The following OPRM1 variants were observed in gnomAD, a reference collection of about 807,000 sequenced individuals.
OPRM1 encodes the protein mu-type opioid receptor.
Under a neutral mutation model 31.8 loss-of-function variants are expected in OPRM1, and 27 were observed. The ratio of observed to expected loss-of-function variants is 0.85; its 90% CI spans 0.63 to 1.17. The LOEUF (loss-of-function observed/expected upper bound fraction) is 1.17. Ranked by LOEUF, OPRM1 falls within the 50% of genes most tolerant of loss-of-function variation. The probability of loss-of-function intolerance (pLI) is 0.00; values close to 1 mark genes in which losing one functional copy is unlikely to be tolerated. For missense variants in OPRM1, 536 were observed against 511.1 expected (o/e 1.05, Z -0.47); for synonymous variants, 196 against 189.9 (o/e 1.03, Z -0.26).
rs1047041161 is a variant in OPRM1, at chr6:154,066,680, G to C, written c.291-23146G>C. On this transcript the variant is annotated intron_variant, in intron 1 of 3. Coordinates refer to ENST00000330432, the MANE Select transcript of OPRM1 (RefSeq NM_000914.5). ...TAGTAGTCTTATAAGAATTGAGAGA[G>C]AGAGAGAGATCTCCTTTAAGCAAAG... is the stretch of plus-strand genomic sequence containing the variant. Among the ~76,000 whole-genome samples the C allele has an allele frequency of 1.8e-4, 27 of 152,198 alleles. No individual in the cohort carries two copies. In the East Asian group the frequency reaches 3.1e-3, roughly 17 times the overall value.
At position 154,039,491 on chromosome 6, in the gene OPRM1, G is replaced by A; in HGVS notation, c.-54G>A. ...GGCTGAGGCGCTTGGAACCCGAAAA[G>A]TCTCGGTGCTCCTGGCTACCTCGCA... On this transcript the variant is annotated 5_prime_UTR_variant, in exon 1 of 4. Transcript: ENST00000330432. The A allele has an allele frequency of 6.4e-7, 1 of 1,566,798 alleles. No individual in the cohort carries two copies. Among genetic ancestry groups the A allele is most frequent in the South Asian group, 1.2e-5 (1 of 85,394 alleles).
intron 1 of OPRM1, among the ~76,000 whole-genome samples, chr6:154,063,949 G>A (rs529204038): frequency 1.2e-3 from 187 of 152,106 alleles, no homozygotes; most frequent in Middle Eastern, 3.4e-3. Context: ...ATTCTGATGT[G>A]AAGATGGGTA....
chr6:154,066,244 C>T (rs1038874004), intron 1 of OPRM1, among the ~76,000 whole-genome samples: 2 of 151,972 alleles, frequency 1.3e-5, no homozygotes, highest in African/African-American at 4.8e-5. Context: ...CTTGTAGTAT[C>T]TTTGTCTGTC....
chr6:154,040,853 T>C lies in OPRM1; in HGVS notation c.290+1019T>C, dbSNP rs1779912849. Among the ~76,000 whole-genome samples the C allele has an allele frequency of 3.9e-5, 6 of 152,314 alleles. No homozygotes were observed. The South Asian group carries it at 1.0e-3, about 26-fold the overall frequency. ...CAGTATTGACTGAGATTGATATTGA[T>C]TGTGTTGGTGTTGATGTGTATATTC... On this transcript the variant is annotated intron_variant, in intron 1 of 3. Transcript: ENST00000330432.
chr6:154,093,380 T>G (rs1274231847), intron 3 of OPRM1: 1 of 1,614,164 alleles, frequency 6.2e-7, no homozygotes, highest in Non-Finnish European at 8.5e-7. Context: ...CAGCTATCCT[T>G]CACTCGTCCT....
intron 3 of OPRM1, among the ~76,000 whole-genome samples, chr6:154,105,591 G>C (rs539929064): frequency 6.6e-6 from 1 of 152,136 alleles, no homozygotes; most frequent in African/African-American, 2.4e-5. Context: ...ATGACAAAAA[G>C]TTTTAGGACA....
intron 3 of OPRM1, among the ~76,000 whole-genome samples, chr6:154,244,919 A>C (rs1004411477): frequency 2.6e-5 from 4 of 152,212 alleles, no homozygotes; most frequent in Non-Finnish European, 5.9e-5. Flanking sequence ...CCACTATTAA[A>C]AGGTAAATCA....
intron 3 of OPRM1, among the ~76,000 whole-genome samples, chr6:154,153,916 T>C (rs1798613025): frequency 6.6e-6 from 1 of 152,230 alleles, no homozygotes; most frequent in Non-Finnish European, 1.5e-5. Flanking sequence ...TTGTGGTAAT[T>C]TGTTATATCA....
chr6:154,030,972 G>A (rs367762257), intron 1 of OPRM1, among the ~76,000 whole-genome samples: 4 of 152,064 alleles, frequency 2.6e-5, no homozygotes, highest in East Asian at 3.9e-4. Context: ...TGCAAATGAA[G>A]CCTAGACTAT....
intron 1 of OPRM1, among the ~76,000 whole-genome samples, chr6:154,045,000 G>A (rs1780832755): frequency 6.6e-6 from 1 of 150,858 alleles, no homozygotes; most frequent in African/African-American, 2.5e-5. Flanking sequence ...TGAGGCAGGT[G>A]GATCACCTGA....
At chr6:154,066,726 A>G (rs899188764) in intron 1 of OPRM1, among the ~76,000 whole-genome samples, 2 of 152,176 alleles carry the variant, frequency 1.3e-5, no homozygotes, top group African/African-American at 2.4e-5. Context: ...ACAGGAGGAC[A>G]CAGTGAGAAG....
chr6:154,205,561 C>T (rs1777424722), intron 3 of OPRM1, among the ~76,000 whole-genome samples: 1 of 152,200 alleles, frequency 6.6e-6, no homozygotes, highest in Non-Finnish European at 1.5e-5. Context: ...CACCACTGCA[C>T]TCTAGCCTGG....
intron 1 of OPRM1, among the ~76,000 whole-genome samples, chr6:154,066,235 T>G (rs559351536): frequency 5.9e-5 from 9 of 152,320 alleles, no homozygotes; most frequent in African/African-American, 1.7e-4. Context: ...TTTTCTTTTC[T>G]TGTAGTATCT....
chr6:154,173,206 T>C (rs892104970), intron 3 of OPRM1, among the ~76,000 whole-genome samples: 1 of 152,016 alleles, frequency 6.6e-6, no homozygotes, highest in Non-Finnish European at 1.5e-5. Flanking sequence ...ACCTCAAAAA[T>C]GGGGAGAAAC....
intron 3 of OPRM1, among the ~76,000 whole-genome samples, chr6:154,196,561 A>G (rs1001063968): frequency 9.2e-5 from 14 of 152,178 alleles, no homozygotes; most frequent in Non-Finnish European, 1.6e-4. Flanking sequence ...AGGTTTCTTC[A>G]TTCATTAAGT....
intron 3 of OPRM1, among the ~76,000 whole-genome samples, chr6:154,116,970 C>T (rs549000630): frequency 5.3e-5 from 8 of 152,186 alleles, no homozygotes; most frequent in Non-Finnish European, 1.2e-4. Context: ...CACCGTTGTG[C>T]TTTCCTCCCT....
intron 1 of OPRM1, chr6:154,087,569 C>G (rs1329857278): frequency 2.0e-6 from 2 of 985,360 alleles, no homozygotes; most frequent in African/African-American, 3.5e-5. Context: ...TACCATGCGT[C>G]TTCTCAGGTG....
intron 3 of OPRM1, among the ~76,000 whole-genome samples, chr6:154,109,786 C>CTG (rs1437900032): frequency 4.2e-4 from 39 of 92,368 alleles, no homozygotes; most frequent in Admixed American, 1.2e-3. Flanking sequence ...CTCTCTCTCT[C>CTG]TCTCTCTGTG....
Position 154,130,058 on chromosome 6 carries a change from T to G in OPRM1, c.*11337T>G, listed in dbSNP as rs189006199. On this transcript the variant is annotated 3_prime_UTR_variant, in exon 4 of 4. Coordinates refer to ENST00000330432, the MANE Select transcript of OPRM1 (RefSeq NM_000914.5). ...TTGTACTCTGGAAGTAAACTTAAAA[T>G]GAAAATTAGAATTTGCTTTCAATTA... is the stretch of plus-strand genomic sequence containing the variant. Among the ~76,000 whole-genome samples, 1 of 149,490 alleles carries G rather than the reference T, an allele frequency of 6.7e-6. No individual in the cohort carries two copies. The highest frequency in any genetic ancestry group is 1.5e-5 in the Non-Finnish European group (1 of 67,610).
Sources: gnomAD v4.1 joint callset for allele counts (sites outside exome capture counted in the v4.1 genomes callset) on GRCh38, gnomAD v4.1.1 for gene constraint, MANE v1.5 for transcripts, NCBI Gene and HGNC (gene_info 2026-07-23, HGNC 2026-07-21) for gene names.